The following CTNNBL1 variants were observed in gnomAD, a reference collection of about 807,000 sequenced individuals.
The protein encoded by CTNNBL1 is catenin beta like 1, also known as beta-catenin-like protein 1.
Under a neutral mutation model 72.7 loss-of-function variants are expected in CTNNBL1, and 31 were observed. That is an observed-to-expected ratio of 0.43 (90% CI 0.32 to 0.58). The LOEUF (loss-of-function observed/expected upper bound fraction) is 0.58. CTNNBL1 is among the 20% of genes least tolerant of loss of function. The pLI, the probability that CTNNBL1 is intolerant of heterozygous loss-of-function variation, is 0.08. For synonymous variants in CTNNBL1, 240 were observed against 267.3 expected (o/e 0.90, Z 1.00); for missense variants, 534 against 725.1 (o/e 0.74, Z 3.03).
intron 1 of CTNNBL1, among the ~76,000 whole-genome samples, chr20:37,729,597 C>T (rs147469311): frequency 7.0e-4 from 106 of 152,186 alleles, no homozygotes; most frequent in African/African-American, 2.4e-3. Flanking sequence ...ATCTCCTTTC[C>T]GTGGAGAACT....
chr20:37,868,385 CCT>C (rs2072554967), intron 15 of CTNNBL1, among the ~76,000 whole-genome samples: 1 of 152,118 alleles, frequency 6.6e-6, no homozygotes, highest in Non-Finnish European at 1.5e-5. Context: ...TCTCTGATAG[CCT>C]CTGTTTCCCC....
At chr20:37,833,982 A>G (rs2072233831) in intron 11 of CTNNBL1, among the ~76,000 whole-genome samples, 1 of 152,216 alleles carries the variant, frequency 6.6e-6, no homozygotes, top group African/African-American at 2.4e-5. Context: ...ATCCAGATAG[A>G]GAGGTAGAAG....
chr20:37,753,911 A>G (rs1197702316), intron 4 of CTNNBL1, among the ~76,000 whole-genome samples: 3 of 152,034 alleles, frequency 2.0e-5, no homozygotes, highest in Non-Finnish European at 4.4e-5. Flanking sequence ...GATGTGAGGC[A>G]AAGATGAATA....
chr20:37,833,789 G>A lies in CTNNBL1; in HGVS notation c.1214-6313G>A, dbSNP rs2072232108. 2.6e-5 allele frequency among the ~76,000 whole-genome samples: 4 copies of A among 152,188 alleles called. No individual in the cohort carries two copies. In the South Asian group the frequency reaches 8.3e-4, roughly 31 times the overall value. On this transcript the variant is annotated intron_variant, in intron 11 of 15. Transcript: ENST00000361383. The stretch of plus-strand genomic sequence containing the variant: ...GTTATCTTGCCTGCTCCCTGTGCCA[G>A]CAGCTCTCCCCGTCTCCTTGGTGCA...
chr20:37,769,154 G>A (rs562374060), intron 7 of CTNNBL1, among the ~76,000 whole-genome samples: 2 of 152,314 alleles, frequency 1.3e-5, no homozygotes, highest in South Asian at 4.1e-4. Context: ...GTAGTTTCAG[G>A]CATCCACTGG....
At chr20:37,804,832 G>A (rs144013242) in intron 11 of CTNNBL1, among the ~76,000 whole-genome samples, 17 of 152,368 alleles carry the variant, frequency 1.1e-4, no homozygotes, top group African/African-American at 2.6e-4. Flanking sequence ...GCCCGGTGGC[G>A]TGCTGGTAAC....
Position 37,746,454 on chromosome 20 carries a change from G to A in CTNNBL1, c.327-14G>A. On this transcript the variant is annotated splice_polypyrimidine_tract_variant and intron_variant, in intron 3 of 15. Coordinates refer to ENST00000361383, the MANE Select transcript of CTNNBL1 (RefSeq NM_030877.5). Reference sequence around the variant, plus strand: ...GCCCCTTTCCTTCTAATGATGTCTTGTTTTCCCTCCTAGGTTCATGGAATC... The same window carrying A: ...GCCCCTTTCCTTCTAATGATGTCTTATTTTCCCTCCTAGGTTCATGGAATC... The A allele has an allele frequency of 6.2e-7, 1 of 1,608,900 alleles. No homozygotes were observed. The highest frequency in any genetic ancestry group is 1.7e-5 in the Admixed American group (1 of 59,938).
chr20:37,756,651 T>A (rs1363091237), intron 4 of CTNNBL1, among the ~76,000 whole-genome samples: 1 of 148,118 alleles, frequency 6.8e-6, no homozygotes, highest in African/African-American at 2.5e-5. Flanking sequence ...TTTTTTTTTT[T>A]CTTTGAGACA....
intron 13 of CTNNBL1, among the ~76,000 whole-genome samples, chr20:37,848,553 G>C (rs1039229773): frequency 5.9e-5 from 9 of 152,096 alleles, no homozygotes; most frequent in Non-Finnish European, 1.2e-4. Flanking sequence ...AGGGGGCCTG[G>C]GGGCAGAGGA....
At chr20:37,745,615 G>T (rs1420880141) in intron 3 of CTNNBL1, among the ~76,000 whole-genome samples, 1 of 152,164 alleles carries the variant, frequency 6.6e-6, no homozygotes, top group Non-Finnish European at 1.5e-5. Context: ...TAAGTAGGTG[G>T]CTAAGCCAGG....
intron 11 of CTNNBL1, among the ~76,000 whole-genome samples, chr20:37,817,996 C>T (rs890085160): frequency 2.6e-5 from 4 of 152,192 alleles, no homozygotes; most frequent in Non-Finnish European, 4.4e-5. Flanking sequence ...AAGTAATGAG[C>T]TCAGGATTAA....
At position 37,861,951 on chromosome 20, in the gene CTNNBL1, A is replaced by G. The variant is rs544708340; in HGVS notation, c.1603+1607A>G. Reference sequence around the variant, plus strand: ...TGAGAGGCTAGGACAGAGACAGTCCAGAAAGAAACAGCAGTGTGAGTGAAG... The same window carrying G: ...TGAGAGGCTAGGACAGAGACAGTCCGGAAAGAAACAGCAGTGTGAGTGAAG... On this transcript the variant is annotated intron_variant, in intron 15 of 15. Coordinates refer to ENST00000361383, the MANE Select transcript of CTNNBL1 (RefSeq NM_030877.5). 1.8e-4 allele frequency among the ~76,000 whole-genome samples: 28 copies of G among 152,338 alleles called. 1 individual carries two copies. In the East Asian group the frequency reaches 5.2e-3, roughly 28 times the overall value.
intron 1 of CTNNBL1, among the ~76,000 whole-genome samples, chr20:37,702,574 A>T (rs1356471850): frequency 1.3e-5 from 2 of 152,090 alleles, no homozygotes; most frequent in East Asian, 3.9e-4. Context: ...TGGAAGTGTG[A>T]CTCTAACAGA....
At chr20:37,844,377 C>A (rs1738248785) in intron 13 of CTNNBL1, among the ~76,000 whole-genome samples, 2 of 152,182 alleles carry the variant, frequency 1.3e-5, no homozygotes, top group South Asian at 4.1e-4. Context: ...CCTCAAGCTT[C>A]ATGTTTTCCC....
chr20:37,839,994 C>T (rs2072288635), intron 11 of CTNNBL1, 108 bp from the exon 12 acceptor site: 2 of 719,304 alleles, frequency 2.8e-6, no homozygotes, highest in Non-Finnish European at 4.8e-6. Context: ...TAGCAGCAGT[C>T]AGAAAGGCCT....
chr20:37,718,279 C>T (rs1293740500), intron 1 of CTNNBL1, among the ~76,000 whole-genome samples: 44 of 127,240 alleles, frequency 3.5e-4, no homozygotes, highest in Non-Finnish European at 4.9e-4. Context: ...GCTGGCCGGG[C>T]GGGGGGCTGA....
intron 4 of CTNNBL1, among the ~76,000 whole-genome samples, chr20:37,747,654 C>T (rs1295134315): frequency 6.6e-6 from 1 of 152,164 alleles, no homozygotes; most frequent in Non-Finnish European, 1.5e-5. Flanking sequence ...TCATAGCTCA[C>T]TACAGCCTCA....
intron 13 of CTNNBL1, among the ~76,000 whole-genome samples, 197 bp from the exon 14 acceptor site, chr20:37,859,702 G>A (rs370152837): frequency 6.6e-6 from 1 of 152,114 alleles, no homozygotes; most frequent in South Asian, 2.1e-4. Context: ...GCCTCCTGGG[G>A]CCTCTATAGT....
intron 1 of CTNNBL1, among the ~76,000 whole-genome samples, chr20:37,717,325 G>A (rs1346402794): frequency 6.6e-6 from 1 of 152,196 alleles, no homozygotes; most frequent in Non-Finnish European, 1.5e-5. Flanking sequence ...CTGTTAACAG[G>A]TATGTCTTGT....
Sources: gnomAD v4.1 joint callset for allele counts (sites outside exome capture counted in the v4.1 genomes callset) on GRCh38, gnomAD v4.1.1 for gene constraint, MANE v1.5 for transcripts, NCBI Gene and HGNC (gene_info 2026-07-23, HGNC 2026-07-21) for gene names.